Variants in KCND2 observed in about 807,000 individuals in gnomAD.
KCND2 encodes the protein potassium voltage-gated channel subfamily D member 2, also known as A-type voltage-gated potassium channel KCND2.
A neutral mutation model predicts 54.4 loss-of-function variants in KCND2; 16 were observed. The ratio of observed to expected loss-of-function variants is 0.29; its 90% CI spans 0.20 to 0.45. KCND2 has a LOEUF of 0.45. KCND2 is among the 20% of genes least tolerant of loss of function. The pLI, the probability that KCND2 is intolerant of heterozygous loss-of-function variation, is 1.00. For synonymous variants in KCND2, 317 were observed against 310.7 expected, an observed-to-expected ratio of 1.02 and a Z score of -0.21; for missense variants, 486 against 824.2, an observed-to-expected ratio of 0.59 and a Z score of 5.02.
At position 120,560,952 on chromosome 7, in the gene KCND2, T is replaced by C. The variant is rs187069149; in HGVS notation, c.1116-171951T>C. The stretch of plus-strand genomic sequence containing the variant: ...AAGGTACCAAAATGTCCAATTGTTA[T>C]ACTGAATGTTGATTAGTCTGTAAGT... On this transcript the variant is annotated intron_variant, in intron 1 of 5. Transcript: ENST00000331113. Among the ~76,000 whole-genome samples the C allele has an allele frequency of 2.0e-5, 3 of 152,362 alleles. No individual in the cohort carries two copies. In the East Asian group the frequency reaches 5.8e-4, roughly 29 times the overall value.
intron 1 of KCND2, among the ~76,000 whole-genome samples, chr7:120,421,978 C>G (rs1189898351): frequency 1.3e-5 from 2 of 152,132 alleles, no homozygotes; most frequent in Admixed American, 6.5e-5. Flanking sequence ...ATAGACCCAG[C>G]AGGATGGAGG....
chr7:120,500,905 T>G (rs1195095799), intron 1 of KCND2, among the ~76,000 whole-genome samples: 1 of 151,868 alleles, frequency 6.6e-6, no homozygotes, highest in East Asian at 1.9e-4. Flanking sequence ...ATATTTACTT[T>G]TGATTCACTT....
At chr7:120,464,758 G>A (rs760664210) in intron 1 of KCND2, among the ~76,000 whole-genome samples, 2 of 152,046 alleles carry the variant, frequency 1.3e-5, no homozygotes, top group Non-Finnish European at 2.9e-5. Context: ...GCTGCCTTGC[G>A]GCCAAGGGGG....
chr7:120,317,011 A>G (rs1379599254), intron 1 of KCND2, among the ~76,000 whole-genome samples: 1 of 151,896 alleles, frequency 6.6e-6, no homozygotes, highest in African/African-American at 2.4e-5. Context: ...GATTTTTTGT[A>G]TTTTTAGTAG....
intron 1 of KCND2, among the ~76,000 whole-genome samples, chr7:120,530,821 T>C (rs1230582469): frequency 6.6e-6 from 1 of 152,148 alleles, no homozygotes; most frequent in African/African-American, 2.4e-5. Context: ...TCGTTGACAC[T>C]ACCGTATTAT....
chr7:120,495,435 T>C (rs1423927102), intron 1 of KCND2, among the ~76,000 whole-genome samples: 1 of 152,152 alleles, frequency 6.6e-6, no homozygotes, highest in East Asian at 1.9e-4. Flanking sequence ...CAAACCAATT[T>C]GCTAAGGTCA....
chr7:120,469,033 A>C (rs927923100), intron 1 of KCND2, among the ~76,000 whole-genome samples: 14 of 152,248 alleles, frequency 9.2e-5, no homozygotes, highest in African/African-American at 3.1e-4. Flanking sequence ...ACACACACAC[A>C]CACACAACAC....
chr7:120,286,664 T>G (rs1379556126), intron 1 of KCND2, among the ~76,000 whole-genome samples: 2 of 152,020 alleles, frequency 1.3e-5, no homozygotes, highest in Non-Finnish European at 2.9e-5. Flanking sequence ...GAATTTCCTA[T>G]TTAGAAATTG....
At position 120,535,199 on chromosome 7, in the gene KCND2, A is replaced by G. The variant is rs1247979246; in HGVS notation, c.1116-197704A>G. Among the ~76,000 whole-genome samples the G allele has an allele frequency of 2.0e-5, 3 of 152,142 alleles. No individual in the cohort carries two copies. The South Asian group carries it at 6.2e-4, about 31-fold the overall frequency. On this transcript the variant is annotated intron_variant, in intron 1 of 5. Coordinates refer to ENST00000331113, the MANE Select transcript of KCND2 (RefSeq NM_012281.3). The stretch of plus-strand genomic sequence containing the variant: ...CTTACTTCCATCATTATTCCTTCTC[A>G]CAAATAACAATATATACACATTCTG...
At chr7:120,677,733 A>G (rs1397005558) in intron 1 of KCND2, among the ~76,000 whole-genome samples, 2 of 151,980 alleles carry the variant, frequency 1.3e-5, no homozygotes, top group Non-Finnish European at 2.9e-5. Flanking sequence ...GCCTCTGATG[A>G]TTACATGTGG....
At chr7:120,375,802 A>G (rs942666802) in intron 1 of KCND2, among the ~76,000 whole-genome samples, 52 of 151,932 alleles carry the variant, frequency 3.4e-4, no homozygotes, top group Middle Eastern at 3.4e-3. Context: ...TTATAAAATA[A>G]CTACTTTCTG....
At chr7:120,422,416 T>TG (rs1205586138) in intron 1 of KCND2, among the ~76,000 whole-genome samples, 5 of 152,188 alleles carry the variant, frequency 3.3e-5, no homozygotes, top group Non-Finnish European at 5.9e-5. Context: ...CTCCTCTTCC[T>TG]GGCCTGTCAT....
At chr7:120,694,061 G>T (rs76391754) in intron 1 of KCND2, among the ~76,000 whole-genome samples, 2,051 of 152,196 alleles carry the variant, frequency 0.013, 36 homozygotes, top group African/African-American at 0.039. Flanking sequence ...ACCACTAAAA[G>T]AAAATAGACA....
At chr7:120,479,685 T>TG (rs1371525899) in intron 1 of KCND2, among the ~76,000 whole-genome samples, 1 of 149,678 alleles carries the variant, frequency 6.7e-6, no homozygotes, top group Non-Finnish European at 1.5e-5. Context: ...TCTCAGCACT[T>TG]GGGGAGGCCA....
chr7:120,574,875 AT>A (rs565768631), intron 1 of KCND2, among the ~76,000 whole-genome samples: 1 of 151,998 alleles, frequency 6.6e-6, no homozygotes, highest in African/African-American at 2.4e-5. Flanking sequence ...TTTTACAGCT[AT>A]TTTTTTCTAT....
At chr7:120,700,524 G>C (rs1792387031) in intron 1 of KCND2, among the ~76,000 whole-genome samples, 1 of 152,094 alleles carries the variant, frequency 6.6e-6, no homozygotes, top group Non-Finnish European at 1.5e-5. Context: ...GAAGCCAATA[G>C]CCCATTTAGA....
At chr7:120,641,879 C>T (rs997236595) in intron 1 of KCND2, among the ~76,000 whole-genome samples, 4 of 149,086 alleles carry the variant, frequency 2.7e-5, no homozygotes, top group Non-Finnish European at 4.4e-5. Flanking sequence ...AAGAAAAGCA[C>T]AGCGCTTTCA....
chr7:120,330,470 A>T (rs1046619688), intron 1 of KCND2, among the ~76,000 whole-genome samples: 4 of 147,014 alleles, frequency 2.7e-5, no homozygotes, highest in African/African-American at 9.9e-5. Flanking sequence ...AATCCCAGCT[A>T]CTTGGGAGGC....
intron 1 of KCND2, among the ~76,000 whole-genome samples, chr7:120,575,359 A>G (rs1386534176): frequency 6.6e-6 from 1 of 152,220 alleles, no homozygotes; most frequent in Non-Finnish European, 1.5e-5. Flanking sequence ...GTTCGAGGGC[A>G]GGAAGCATCC....
Sources: allele counts gnomAD v4.1 joint callset (sites outside exome capture counted in the v4.1 genomes callset), GRCh38; gene constraint gnomAD v4.1.1; transcripts MANE v1.5; gene names NCBI Gene and HGNC (gene_info 2026-07-23, HGNC 2026-07-21).